MAGI3: variants seen among roughly 807,000 people sequenced by gnomAD.
The protein encoded by MAGI3 is membrane associated guanylate kinase, WW and PDZ domain containing 3.
A neutral mutation model predicts 121.8 loss-of-function variants in MAGI3; 43 were observed. The observed-to-expected ratio is 0.35, with a 90% confidence interval of 0.28 to 0.46. The LOEUF is 0.46. Among genes scored for constraint, MAGI3 ranks in the 20% least tolerant of loss-of-function variants. The probability of loss-of-function intolerance (pLI) is 1.00; values close to 1 mark genes in which losing one functional copy is unlikely to be tolerated. For missense variants in MAGI3, 1,547 were observed against 1,797.3 expected (o/e 0.86, Z 2.52); for synonymous variants, 553 against 639.3 (o/e 0.86, Z 2.04).
chr1:113,630,664 G>GC (rs1337069403), intron 9 of MAGI3, among the ~76,000 whole-genome samples: 1 of 152,194 alleles, frequency 6.6e-6, no homozygotes, highest in Non-Finnish European at 1.5e-5. Context: ...TCTTGAGCAG[G>GC]CAGGTGATGA....
intron 9 of MAGI3, among the ~76,000 whole-genome samples, chr1:113,631,580 T>C (rs1651635870): frequency 6.6e-6 from 1 of 152,210 alleles, no homozygotes; most frequent in South Asian, 2.1e-4. Flanking sequence ...TTATTAATCA[T>C]CTCAGAAAAA....
At chr1:113,464,006 A>T (rs1307581920) in intron 1 of MAGI3, among the ~76,000 whole-genome samples, 3 of 152,150 alleles carry the variant, frequency 2.0e-5, no homozygotes, top group African/African-American at 7.2e-5. Context: ...TGCTATAAAC[A>T]TTCAAATTAT....
chr1:113,522,154 C>G (rs1196834021), intron 1 of MAGI3, among the ~76,000 whole-genome samples: 1 of 152,210 alleles, frequency 6.6e-6, no homozygotes, highest in African/African-American at 2.4e-5. Context: ...GTCACCCAGG[C>G]AAGTGCAGTG....
intron 1 of MAGI3, among the ~76,000 whole-genome samples, chr1:113,477,359 T>A (rs986112507): frequency 2.0e-5 from 3 of 152,234 alleles, no homozygotes; most frequent in Non-Finnish European, 4.4e-5. Context: ...TTGCAGTGGC[T>A]GGTAGTGGTT....
intron 1 of MAGI3, among the ~76,000 whole-genome samples, chr1:113,402,741 G>A (rs966670450): frequency 3.9e-5 from 6 of 152,064 alleles, no homozygotes; most frequent in African/African-American, 1.2e-4. Flanking sequence ...AAGCTTGTTC[G>A]GCTGCAGTGA....
At chr1:113,478,524 C>T (rs1001387104) in intron 1 of MAGI3, among the ~76,000 whole-genome samples, 2 of 152,192 alleles carry the variant, frequency 1.3e-5, no homozygotes, top group African/African-American at 4.8e-5. Flanking sequence ...GAGTTCCACT[C>T]TAGACCCTGT....
chr1:113,439,847 T>C (rs1275341928), intron 1 of MAGI3, among the ~76,000 whole-genome samples: 3 of 152,206 alleles, frequency 2.0e-5, no homozygotes, highest in African/African-American at 7.2e-5. Flanking sequence ...CTGAAATTAA[T>C]TAATTTCCCC....
chr1:113,611,319 C>T (rs1650120549), intron 6 of MAGI3, among the ~76,000 whole-genome samples: 1 of 152,090 alleles, frequency 6.6e-6, no homozygotes, highest in African/African-American at 2.4e-5. Context: ...AACTCCTGAC[C>T]TCAAATGATC....
intron 1 of MAGI3, among the ~76,000 whole-genome samples, chr1:113,456,050 A>G (rs1000280644): frequency 6.7e-6 from 1 of 149,534 alleles, no homozygotes; most frequent in African/African-American, 2.5e-5. Context: ...TCCCGGGTTC[A>G]CGCCATTCTC....
At chr1:113,523,427 G>GACTTCGGTC (rs1658299243) in intron 1 of MAGI3, among the ~76,000 whole-genome samples, 1 of 152,196 alleles carries the variant, frequency 6.6e-6, no homozygotes, top group Non-Finnish European at 1.5e-5. Flanking sequence ...GAGACTTGTT[G>GACTTCGGTC]AATGGCTTTG....
chr1:113,608,341 A>G (rs1649918658), intron 6 of MAGI3, among the ~76,000 whole-genome samples: 1 of 152,206 alleles, frequency 6.6e-6, no homozygotes, highest in Non-Finnish European at 1.5e-5. Flanking sequence ...CAATCTCTAT[A>G]AGGCTCTGAG....
intron 6 of MAGI3, among the ~76,000 whole-genome samples, chr1:113,612,890 G>C (rs1443452445): frequency 6.6e-6 from 1 of 152,086 alleles, no homozygotes; most frequent in Non-Finnish European, 1.5e-5. Flanking sequence ...GACTATTTCA[G>C]CTATTTCTAT....
intron 1 of MAGI3, among the ~76,000 whole-genome samples, chr1:113,452,455 T>TACACACACACACACAC (rs4026203): frequency 1.4e-5 from 2 of 147,112 alleles, no homozygotes; most frequent in African/African-American, 5.1e-5. Flanking sequence ...TGCATAGACA[T>TACACACACACACACAC]ACACACACAC....
At chr1:113,603,745 A>T (rs1238096463) in intron 6 of MAGI3, among the ~76,000 whole-genome samples, 1 of 152,226 alleles carries the variant, frequency 6.6e-6, no homozygotes, top group African/African-American at 2.4e-5. Flanking sequence ...ACAAAGGACC[A>T]ATATCCAGAA....
rs753510960 is a variant in MAGI3 at position 113,683,537 on chromosome 1, T to C, written c.3969T>C (p.Asn1323=). ...SRRIAGYTGS[N]AEQIPDGKEK... The stretch of plus-strand genomic sequence containing the variant: ...GAATAGCAGGCTATACGGGCAGTAA[T>C]GCTGAGCAGATCCCAGATGGGAAGG... Residue 1323 remains asparagine, a synonymous_variant, in exon 21 of 21, where the codon AAT becomes AAC. Coordinates refer to ENST00000307546, the MANE Select transcript of MAGI3 (RefSeq NM_001142782.2). The C allele has an allele frequency of 6.2e-7, 1 of 1,613,910 alleles. No individual in the cohort carries two copies. Among genetic ancestry groups the C allele is most frequent in the East Asian group, 2.2e-5 (1 of 44,880 alleles).
chr1:113,448,408 A>G (rs955954030), intron 1 of MAGI3, among the ~76,000 whole-genome samples: 1 of 152,150 alleles, frequency 6.6e-6, no homozygotes, highest in Non-Finnish European at 1.5e-5. Flanking sequence ...ATTTGAACCT[A>G]CCCTTCTCCT....
At chr1:113,598,972 A>C (rs1177822024) in intron 6 of MAGI3, among the ~76,000 whole-genome samples, 3 of 152,190 alleles carry the variant, frequency 2.0e-5, no homozygotes, top group Non-Finnish European at 4.4e-5. Context: ...TTTTGTGGGC[A>C]TTTAGTGCTA....
rs1557868973 is a variant in MAGI3 at position 113,641,052 on chromosome 1, ATATTATATATGATATAT to A, written c.1361-858_1361-842del. 4.0e-5 allele frequency among the ~76,000 whole-genome samples: 4 copies of A among 100,906 alleles called. 1 individual carries two copies. The highest frequency in any genetic ancestry group is 1.7e-4 in the African/African-American group (4 of 22,996). The allele number at this position is 100,906 out of a possible 152,430, so 66.2% of individuals were successfully genotyped here. ...ATATGATATATATAATATATATGATATATTATATATGATATATATAATATATATGAGATATATATTAT... is the reference window on the plus strand; with the variant it reads ...ATATGATATATATAATATATATGATAATAATATATATGAGATATATATTAT... On this transcript the variant is annotated intron_variant, in intron 9 of 20. Transcript: ENST00000307546.
intron 3 of MAGI3, among the ~76,000 whole-genome samples, chr1:113,581,979 A>C (rs1453424001): frequency 6.6e-6 from 1 of 152,074 alleles, no homozygotes; most frequent in Non-Finnish European, 1.5e-5. Flanking sequence ...CTCCCCTTAA[A>C]TGATGAAGAT....
Sources: allele counts gnomAD v4.1 joint callset (sites outside exome capture counted in the v4.1 genomes callset), GRCh38; gene constraint gnomAD v4.1.1; transcripts MANE v1.5; gene names NCBI Gene and HGNC (gene_info 2026-07-23, HGNC 2026-07-21).